FMO2: variants seen among roughly 807,000 people sequenced by gnomAD.
FMO2 encodes the protein flavin containing dimethylaniline monoxygenase 2, also known as flavin-containing monooxygenase 2.
A neutral mutation model predicts 41.6 loss-of-function variants in FMO2; 33 were observed. The observed-to-expected ratio is 0.79, with a 90% CI of 0.60 to 1.06. The LOEUF (loss-of-function observed/expected upper bound fraction) is 1.06, where lower values mean the gene tolerates loss of function less well. Among genes scored for constraint, FMO2 ranks in the 50% least tolerant of loss-of-function variants. The pLI is 0.00. For missense variants in FMO2, 619 were observed against 632.9 expected (o/e 0.98, Z 0.23); for synonymous variants, 214 against 219.6 (o/e 0.97, Z 0.23).
intron 3 of FMO2, 81 bp downstream of exon 3, chr1:171,193,604 G>A: frequency 2.1e-6 from 2 of 934,564 alleles, no homozygotes; most frequent in African/African-American, 1.7e-5. Context: ...GATAATGAAA[G>A]CAATTATGAA....
At chr1:171,196,504 G>A (rs890268141) in intron 3 of FMO2, 145 bp from the exon 4 acceptor site, 17 of 581,784 alleles carry the variant, frequency 2.9e-5, no homozygotes, top group Non-Finnish European at 5.9e-6. Context: ...TCTCTCTCAA[G>A]TCCTTATTCA....
intron 5 of FMO2, among the ~76,000 whole-genome samples, chr1:171,202,629 C>A (rs1461049176): frequency 2.0e-5 from 3 of 152,160 alleles, no homozygotes; most frequent in African/African-American, 7.2e-5. Context: ...TGTTAATACC[C>A]CCATTTTACA....
intron 3 of FMO2, among the ~76,000 whole-genome samples, chr1:171,193,970 A>C (rs1055608543): frequency 2.6e-5 from 4 of 152,092 alleles, no homozygotes; most frequent in Admixed American, 2.6e-4. Context: ...GGTAGGGACG[A>C]GGTTTCACCA....
intron 4 of FMO2, 68 bp from the exon 5 acceptor site, chr1:171,199,278 G>A: frequency 7.0e-7 from 1 of 1,430,102 alleles, no homozygotes; most frequent in Non-Finnish European, 9.4e-7. Context: ...TGGCAATGCA[G>A]TTTTATTGAA....
rs944479521 is a variant in FMO2 at position 171,212,551 on chromosome 1, C to A, written c.*3406C>A. ...ATGATAGTTTCTTAATTTTTTCTAT[C>A]AAAAGCTAAATATGGCACACTTGTT... is the stretch of plus-strand genomic sequence containing the variant. On this transcript the variant is annotated 3_prime_UTR_variant, in exon 9 of 9. Transcript: ENST00000209929. Among the ~76,000 whole-genome samples, 2 of 151,914 alleles carry A rather than the reference C, an allele frequency of 1.3e-5. No homozygotes were observed. The highest frequency in any genetic ancestry group is 2.9e-5 in the Non-Finnish European group (2 of 67,982).
At chr1:171,204,181 A>G in intron 6 of FMO2, 117 bp downstream of exon 6, 1 of 711,550 alleles carries the variant, frequency 1.4e-6, no homozygotes, top group East Asian at 2.7e-5. Context: ...CAATCTAACA[A>G]TATGAGTATC....
intron 6 of FMO2, among the ~76,000 whole-genome samples, chr1:171,204,676 G>A (rs913869523): frequency 6.6e-6 from 1 of 151,800 alleles, no homozygotes; most frequent in Non-Finnish European, 1.5e-5. Context: ...TAAGTGCCAC[G>A]TATCGTCTAT....
rs1454154628 is a variant in FMO2 at position 171,210,113 on chromosome 1, G to A, written c.*968G>A. The stretch of plus-strand genomic sequence containing the variant: ...TATACCCATACATCTGCTACTTTGG[G>A]AGGCCCTTTACATAGAAAACAGCAT... On this transcript the variant is annotated 3_prime_UTR_variant, in exon 9 of 9. Transcript: ENST00000209929. 1.3e-5 allele frequency: 2 copies of A among 152,098 alleles called. No homozygotes were observed. The highest frequency in any genetic ancestry group is 4.8e-5 in the African/African-American group (2 of 41,430). 9.4% of individuals were successfully genotyped at this position (152,098 alleles called of 1,614,324 possible).
chr1:171,209,307 A>C lies in FMO2; in HGVS notation c.*162A>C. The C allele has an allele frequency of 2.5e-6, 1 of 396,032 alleles. No homozygotes were observed. The highest frequency in any genetic ancestry group is 4.4e-6 in the Non-Finnish European group (1 of 225,050). The allele number at this position is 396,032 out of a possible 1,614,324, so 24.5% of individuals were successfully genotyped here. ...TTGTAAAGAATTAGCAGAATTAGGC[A>C]TATGTACAAAACCAAAATTTTGTCA... is the stretch of plus-strand genomic sequence containing the variant. On this transcript the variant is annotated 3_prime_UTR_variant, in exon 9 of 9. Transcript: ENST00000209929.
chr1:171,205,295 C>A lies in FMO2; in HGVS notation c.844C>A (p.Pro282Thr), dbSNP rs146368318. Residue 282 changes from proline (P) to threonine (T), a missense_variant, in exon 7 of 9, where the codon CCT (proline) becomes ACT (threonine). By Grantham distance (38) the Pro-to-Thr change is conservative. Coordinates refer to ENST00000209929, the MANE Select transcript of FMO2 (RefSeq NM_001460.5). ...ATGTCTCAGATACATTATGAAGGAA[C>A]CTGTACTAAATGATGATGTCCCAAG... Reference protein sequence around the residue: ...EPQNKYIMKEPVLNDDVPSRL... With the variant: ...EPQNKYIMKETVLNDDVPSRL... The A allele has an allele frequency of 2.5e-6, 4 of 1,607,228 alleles. No individual in the cohort carries two copies. Among genetic ancestry groups the A allele is most frequent in the South Asian group, 1.1e-5 (1 of 90,718 alleles).
At chr1:171,186,771 A>G (rs2101974582) in intron 2 of FMO2, among the ~76,000 whole-genome samples, 1 of 152,310 alleles carries the variant, frequency 6.6e-6, no homozygotes, top group Admixed American at 6.5e-5. Flanking sequence ...TTGCATAGAT[A>G]GCTATAAGGA....
At chr1:171,190,158 T>C (rs1363312612) in intron 2 of FMO2, among the ~76,000 whole-genome samples, 2 of 152,200 alleles carry the variant, frequency 1.3e-5, no homozygotes, top group African/African-American at 2.4e-5. Context: ...CTCACTTGAG[T>C]AGATTAAATA....
chr1:171,196,910 G>C (rs1658333624), intron 4 of FMO2, 99 bp downstream of exon 4: 2 of 1,041,178 alleles, frequency 1.9e-6, no homozygotes, highest in Non-Finnish European at 1.4e-6. Context: ...CAACTGGGCA[G>C]AACTTGGCTC....
chr1:171,196,878 T>A (rs1314475252), intron 4 of FMO2, 67 bp downstream of exon 4: 1 of 1,447,534 alleles, frequency 6.9e-7, no homozygotes, highest in African/African-American at 1.4e-5. Flanking sequence ...TAGTTTGGAT[T>A]GACAAGCAGG....
At position 171,210,799 on chromosome 1, in the gene FMO2, GGT is replaced by G. The variant is rs1354604634; in HGVS notation, c.*1655_*1656del. On this transcript the variant is annotated 3_prime_UTR_variant, in exon 9 of 9. Transcript: ENST00000209929. ...AACTTTTTCTTTAAAATTCAATTAA[GGT>G]ACTTCTCCCTCAGGGACGTAGAACA... 2 of 112,274 alleles carry G rather than the reference GGT, an allele frequency of 1.8e-5. 1 individual carries two copies. Among genetic ancestry groups the G allele is most frequent in the African/African-American group, 8.8e-5 (2 of 22,778 alleles). The allele number at this position is 112,274 out of a possible 1,614,324, so 7.0% of individuals were successfully genotyped here.
intron 2 of FMO2, chr1:171,186,070 C>G: frequency 2.6e-6 from 1 of 378,414 alleles, no homozygotes; most frequent in Non-Finnish European, 4.8e-6. Context: ...AAGATCTCTT[C>G]TTTTGGATTC....
rs1370860433 is a variant in FMO2, at chr1:171,211,297, C to T, written c.*2152C>T. On this transcript the variant is annotated 3_prime_UTR_variant, in exon 9 of 9. Coordinates refer to ENST00000209929, the MANE Select transcript of FMO2 (RefSeq NM_001460.5). ...AGCTACAATTGTAGAGTTGGGTAGT[C>T]GCAACAGAATCTCTGTGGCCCACAA... The T allele has an allele frequency of 2.0e-5, 3 of 152,078 alleles. No individual in the cohort carries two copies. The highest frequency in any genetic ancestry group is 4.8e-5 in the African/African-American group (2 of 41,418). The allele number at this position is 152,078 out of a possible 1,614,324, so 9.4% of individuals were successfully genotyped here. A position where few individuals can be genotyped will look rare whatever the true frequency, so the allele number is the denominator to read the frequency against.
intron 7 of FMO2, 60 bp downstream of exon 7, chr1:171,205,694 T>C: frequency 1.7e-6 from 2 of 1,177,152 alleles, no homozygotes; most frequent in Admixed American, 4.9e-5. Context: ...TTATCAATAA[T>C]GATAAGAAGG....
At chr1:171,196,523 C>A in intron 3 of FMO2, 126 bp from the exon 4 acceptor site, 1 of 719,212 alleles carries the variant, frequency 1.4e-6, no homozygotes, top group Non-Finnish European at 2.3e-6. Flanking sequence ...CAGTATTCAA[C>A]ACCCTTAACA....
Sources: gnomAD v4.1 joint callset for allele counts (sites outside exome capture counted in the v4.1 genomes callset) on GRCh38, gnomAD v4.1.1 for gene constraint, MANE v1.5 for transcripts, NCBI Gene and HGNC (gene_info 2026-07-23, HGNC 2026-07-21) for gene names.